KIF1C: variants seen among roughly 807,000 people sequenced by gnomAD.
KIF1C encodes the protein kinesin family member 1C, also known as kinesin-like protein KIF1C.
In KIF1C, 61 loss-of-function variants were observed where a neutral mutation model predicts 126.5. The observed-to-expected ratio is 0.48, with a 90% CI of 0.39 to 0.60. The LOEUF (loss-of-function observed/expected upper bound fraction) is 0.60. KIF1C is among the 20% of genes least tolerant of loss of function. The pLI, the probability that KIF1C is intolerant of heterozygous loss-of-function variation, is 0.00. For synonymous variants in KIF1C, 640 were observed against 580.6 expected (o/e 1.10, Z -1.47); for missense variants, 1,315 against 1,489.2 (o/e 0.88, Z 1.93).
chr17:5,021,466 G>A (rs1160626070), intron 21 of KIF1C, among the ~76,000 whole-genome samples: 2 of 150,682 alleles, frequency 1.3e-5, no homozygotes, highest in South Asian at 2.1e-4. Flanking sequence ...ATGAGCCACC[G>A]CACCCGGCCA....
rs1975129130 is a variant in KIF1C, at chr17:5,023,165, C to T, written c.2629-303C>T. Among the ~76,000 whole-genome samples the T allele has an allele frequency of 2.6e-5, 4 of 152,110 alleles. No individual in the cohort carries two copies. Among genetic ancestry groups the T allele is most frequent in the South Asian group, 4.1e-4 (2 of 4,828 alleles). On this transcript the variant is annotated intron_variant, in intron 22 of 22. Transcript: ENST00000320785. The surrounding 1 kb of genome is among the most constrained non-coding windows in gnomAD (Gnocchi z 4.2). The stretch of plus-strand genomic sequence containing the variant: ...GAGTAGCTGGGACTACAGGCGCGCA[C>T]CACCACACCCGGCTAATTTTTTTTT...
intron 18 of KIF1C, among the ~76,000 whole-genome samples, chr17:5,016,516 G>A (rs1974976623): frequency 6.6e-6 from 1 of 151,452 alleles, no homozygotes; most frequent in African/African-American, 2.4e-5. Flanking sequence ...CTCCCAAAGT[G>A]CCAGGATTAC....
intron 18 of KIF1C, among the ~76,000 whole-genome samples, chr17:5,015,582 C>CTTTTTTTTTTT (rs58961639): frequency 2.8e-5 from 2 of 71,244 alleles, no homozygotes; most frequent in Non-Finnish European, 5.1e-5. Flanking sequence ...CTGCCCCCAG[C>CTTTTTTTTTTT]TTTTTTTTTT....
chr17:5,001,130 T>A, intron 4 of KIF1C, 92 bp from the exon 5 acceptor site: 2 of 1,342,890 alleles, frequency 1.5e-6, no homozygotes, highest in Non-Finnish European at 2.1e-6. Flanking sequence ...TGGGGAATCG[T>A]CAGTGATGGA....
chr17:5,001,978 G>A (rs1352126231), intron 5 of KIF1C, 81 bp from the exon 6 acceptor site: 15 of 1,285,922 alleles, frequency 1.2e-5, no homozygotes, highest in Non-Finnish European at 1.6e-5. Flanking sequence ...GGTCACTTGG[G>A]ACTGGGCCTG....
chr17:5,023,244 C>T lies in KIF1C; in HGVS notation c.2629-224C>T, dbSNP rs974419071. The stretch of plus-strand genomic sequence containing the variant: ...CCATGTTGGCCAGGATGGTCTTGAT[C>T]TCTTGACCTTGTGATCCGCCCACCT... On this transcript the variant is annotated intron_variant, in intron 22 of 22. Transcript: ENST00000320785. The surrounding 1 kb of genome is among the most constrained non-coding windows in gnomAD (Gnocchi z 4.2). 4.6e-5 allele frequency among the ~76,000 whole-genome samples: 7 copies of T among 151,954 alleles called. No homozygotes were observed. Among genetic ancestry groups the T allele is most frequent in the Non-Finnish European group, 8.8e-5 (6 of 67,998 alleles).
chr17:5,009,760 C>T lies in KIF1C; in HGVS notation c.1491+2218C>T, dbSNP rs540971090. On this transcript the variant is annotated intron_variant, in intron 16 of 22. Transcript: ENST00000320785. ...CTGAGATCGCACCACTGCACTCCAG[C>T]CTGGGTGACAGACAAGACTCTGTCT... Among the ~76,000 whole-genome samples the T allele has an allele frequency of 8.7e-3, 1,304 of 149,224 alleles. 13 individuals carry two copies. Among genetic ancestry groups the T allele is most frequent in the Non-Finnish European group, 0.012 (784 of 67,300 alleles).
Position 5,003,662 on chromosome 17 carries a change from C to T in KIF1C, c.771C>T (p.Ser257=), listed in dbSNP as rs1220365366. The change falls in exon 9 of 23, where the codon TCC becomes TCT. Residue 257 remains serine, a synonymous_variant. Transcript: ENST00000320785. ...VDLAGSERAD[S]SGARGMRLKE... ...TTGCTGGGAGTGAGCGAGCCGACTC[C>T]TCAGGGGCCCGGGGCATGCGCCTGA... is the stretch of plus-strand genomic sequence containing the variant. 6.2e-7 allele frequency: 1 copy of T among 1,613,782 alleles called. No individual in the cohort carries two copies. The highest frequency in any genetic ancestry group is 8.5e-7 in the Non-Finnish European group (1 of 1,179,916).
At chr17:5,012,119 C>T (rs1424336151) in intron 16 of KIF1C, 1 of 152,196 alleles carries the variant, frequency 6.6e-6, no homozygotes, top group Admixed American at 6.5e-5. Context: ...GGTGTTTCCA[C>T]GCCAAGCCTC....
intron 18 of KIF1C, among the ~76,000 whole-genome samples, chr17:5,018,617 A>C (rs1286175977): frequency 1.3e-5 from 2 of 151,794 alleles, no homozygotes; most frequent in Non-Finnish European, 2.9e-5. Context: ...TGAACCCAGG[A>C]GGAGAGGTTG....
intron 16 of KIF1C, 70 bp downstream of exon 16, chr17:5,007,612 G>C: frequency 1.5e-6 from 2 of 1,324,488 alleles, no homozygotes; most frequent in Non-Finnish European, 2.1e-6. Flanking sequence ...AGCAGGTGCA[G>C]GGTAGTGAGT....
intron 17 of KIF1C, 50 bp downstream of exon 17, chr17:5,013,782 G>T: frequency 6.9e-7 from 1 of 1,449,400 alleles, no homozygotes; most frequent in African/African-American, 1.4e-5. Flanking sequence ...TTGGGGTGTG[G>T]CTGCCAAGGG....
rs529676174 is a variant in KIF1C, at chr17:5,014,591, G to A, written c.1572-152G>A. On this transcript the variant is annotated intron_variant, in intron 17 of 22. Transcript: ENST00000320785. Reference sequence around the variant, plus strand: ...ACTTCACTGCCCACTGAATGAACCCGGGCAAGCCATTTCACCTCCCTGAGC... The same window carrying A: ...ACTTCACTGCCCACTGAATGAACCCAGGCAAGCCATTTCACCTCCCTGAGC... 37 of 649,936 alleles carry A rather than the reference G, an allele frequency of 5.7e-5. No individual in the cohort carries two copies. In the East Asian group the frequency reaches 7.7e-4, roughly 13 times the overall value. 40.3% of individuals were successfully genotyped at this position (649,936 alleles called of 1,614,324 possible).
chr17:5,004,519 G>A (rs1371827143), intron 11 of KIF1C, 48 bp from the exon 12 acceptor site: 1 of 1,573,354 alleles, frequency 6.4e-7, no homozygotes. Flanking sequence ...GTCTGACTTT[G>A]CTTAGCCCCT....
At position 5,024,772 on chromosome 17, in the gene KIF1C, A is replaced by C. The variant is rs949785117; in HGVS notation, c.*621A>C. 1 of 152,846 alleles carries C rather than the reference A, an allele frequency of 6.5e-6. No homozygotes were observed. Among genetic ancestry groups the C allele is most frequent in the South Asian group, 2.1e-4 (1 of 4,836 alleles). The allele number at this position is 152,846 out of a possible 1,614,324, so 9.5% of individuals were successfully genotyped here. A position where few individuals can be genotyped will look rare whatever the true frequency, so the allele number is the denominator to read the frequency against. On this transcript the variant is annotated 3_prime_UTR_variant, in exon 23 of 23. Transcript: ENST00000320785. ...ATATAAGGCAATGGCACAGGTCTTA[A>C]GCATACTTATCAGTGAAGTATTGTA...
At position 5,022,097 on chromosome 17, in the gene KIF1C, A is replaced by C; in HGVS notation, c.2016A>C (p.Ala672=). ...DLLLEQQRLY[A]DSDSGDDSDK... ...CTTTCTTTCTCTGGCCCCAGTATGCAGACTCGGACAGCGGGGATGACTCTG... is the reference window on the plus strand; with the variant it reads ...CTTTCTTTCTCTGGCCCCAGTATGCCGACTCGGACAGCGGGGATGACTCTG... The change falls in exon 22 of 23, where the codon GCA becomes GCC. Residue 672 remains alanine, a synonymous_variant. Coordinates refer to ENST00000320785, the MANE Select transcript of KIF1C (RefSeq NM_006612.6). This position sits in a 1 kb window ranked among gnomAD's most constrained non-coding sequence, Gnocchi z 4.9. The C allele has an allele frequency of 6.3e-7, 1 of 1,599,020 alleles. No homozygotes were observed. Among genetic ancestry groups the C allele is most frequent in the Non-Finnish European group, 8.6e-7 (1 of 1,169,588 alleles).
intron 18 of KIF1C, among the ~76,000 whole-genome samples, chr17:5,016,585 T>C (rs1974977697): frequency 6.6e-6 from 1 of 150,654 alleles, no homozygotes; most frequent in Non-Finnish European, 1.5e-5. Context: ...GACGCTATCA[T>C]GTGCGTCTTA....
chr17:5,024,217 G>GC lies in KIF1C; in HGVS notation c.*67dup. 1 of 1,184,554 alleles carries GC rather than the reference G, an allele frequency of 8.4e-7. No homozygotes were observed. The highest frequency in any genetic ancestry group is 1.2e-6 in the Non-Finnish European group (1 of 829,082). 73.4% of individuals were successfully genotyped at this position (1,184,554 alleles called of 1,614,324 possible). ...TAGGAGAAGGGAAGACGCCCGAGACGCTGCTTCCCCAGAAGTGCTGGGGCA... is the reference window on the plus strand; with the variant it reads ...TAGGAGAAGGGAAGACGCCCGAGACGCCTGCTTCCCCAGAAGTGCTGGGGCA... On this transcript the variant is annotated 3_prime_UTR_variant, in exon 23 of 23. Transcript: ENST00000320785.
Position 5,001,081 on chromosome 17 carries a change from T to A in KIF1C, c.184-141T>A, listed in dbSNP as rs72838327. 0.074 allele frequency: 71,689 copies of A among 964,974 alleles called. 3,049 individuals carry two copies. Among genetic ancestry groups the A allele is most frequent in the Middle Eastern group, 0.16 (570 of 3,664 alleles). 59.8% of individuals were successfully genotyped at this position (964,974 alleles called of 1,614,324 possible). On this transcript the variant is annotated intron_variant, in intron 4 of 22. Coordinates refer to ENST00000320785, the MANE Select transcript of KIF1C (RefSeq NM_006612.6). ...GGGCTGGATAGGATCCTTGGGGTGG[T>A]AAGGACAATGATGAGGGTGGGAGGG...
Sources: allele counts gnomAD v4.1 joint callset (sites outside exome capture counted in the v4.1 genomes callset), GRCh38; gene constraint gnomAD v4.1.1; non-coding constraint Gnocchi (gnomAD v3.1); transcripts MANE v1.5; gene names NCBI Gene and HGNC (gene_info 2026-07-23, HGNC 2026-07-21).